Variants in TBCK observed in about 807,000 individuals in gnomAD.
TBCK encodes the protein TBC1 domain containing kinase.
In TBCK, 99 loss-of-function variants were observed where a neutral mutation model predicts 113.4. The observed-to-expected ratio is 0.87, with a 90% CI of 0.74 to 1.03. The LOEUF is 1.03. TBCK is among the 50% of genes least tolerant of loss of function. The pLI, the probability that TBCK is intolerant of heterozygous loss-of-function variation, is 0.00. For missense variants in TBCK, 1,045 were observed against 1,061.3 expected, an observed-to-expected ratio of 0.98 and a Z score of 0.21; for synonymous variants, 369 against 370.8, an observed-to-expected ratio of 1.00 and a Z score of 0.05.
chr4:106,170,796 T>C (rs1750897817), intron 23 of TBCK, among the ~76,000 whole-genome samples: 1 of 152,086 alleles, frequency 6.6e-6, no homozygotes, highest in Non-Finnish European at 1.5e-5. Context: ...TAATTCTTTC[T>C]TTGCTTCTGT....
intron 22 of TBCK, among the ~76,000 whole-genome samples, chr4:106,172,651 G>A (rs1228877641): frequency 6.6e-6 from 1 of 152,064 alleles, no homozygotes; most frequent in Non-Finnish European, 1.5e-5. Flanking sequence ...CTTGTAAGGG[G>A]AAAAGGAAAT....
In TBCK at chr4:106,212,899, AAT is replaced by A. The variant is rs1434779845; in HGVS notation, c.1775-66_1775-65del. 15 of 1,002,372 alleles carry A rather than the reference AAT, an allele frequency of 1.5e-5. No individual in the cohort carries two copies. The African/African-American group carries it at 2.4e-4, about 16-fold the overall frequency. 62.1% of individuals were successfully genotyped at this position (1,002,372 alleles called of 1,614,324 possible). A position where few individuals can be genotyped will look rare whatever the true frequency, so the allele number is the denominator to read the frequency against. ...CAGTACTCCAAGAACATTATATTCA[AAT>A]ATAGTTTTATTTATACATTGAATGA... On this transcript the variant is annotated intron_variant, in intron 19 of 25. Transcript: ENST00000394708.
intron 25 of TBCK, among the ~76,000 whole-genome samples, chr4:106,065,299 T>C (rs1736511881): frequency 6.6e-6 from 1 of 152,060 alleles, no homozygotes; most frequent in East Asian, 1.9e-4. Flanking sequence ...AGAGGTATCT[T>C]TCTGGGGCTC....
In TBCK at chr4:106,302,078, C is replaced by T. The variant is rs143749792; in HGVS notation, c.193+6690G>A. Among the ~76,000 whole-genome samples the T allele has an allele frequency of 4.5e-3, 680 of 152,274 alleles. 5 individuals are homozygous for T. In the Middle Eastern group the frequency reaches 0.061, roughly 14 times the overall value. On this transcript the variant is annotated intron_variant, in intron 2 of 25. Transcript: ENST00000394708. ...ACACACAACTTTTCAGAATGCTAAACATTGCCAATAAAAACAAGATAATCA... is the reference window on the plus strand; with the variant it reads ...ACACACAACTTTTCAGAATGCTAAATATTGCCAATAAAAACAAGATAATCA...
chr4:106,069,015 T>C (rs1181160027), intron 25 of TBCK, among the ~76,000 whole-genome samples: 5 of 152,214 alleles, frequency 3.3e-5, no homozygotes, highest in African/African-American at 9.6e-5. Context: ...TGTAAATTTG[T>C]TTAAGTTCTT....
chr4:106,244,547 T>A, intron 11 of TBCK, 79 bp downstream of exon 11: 1 of 1,204,764 alleles, frequency 8.3e-7, no homozygotes, highest in Non-Finnish European at 1.1e-6. Flanking sequence ...AAAACACCGA[T>A]TTTCTTTTTT....
intron 25 of TBCK, among the ~76,000 whole-genome samples, chr4:106,093,937 T>C (rs1214000882): frequency 1.3e-5 from 2 of 152,136 alleles, no homozygotes; most frequent in African/African-American, 2.4e-5. Context: ...TGAAGGTTCA[T>C]TAGTTGTAAC....
chr4:106,279,303 T>C (rs1173626654), intron 3 of TBCK, among the ~76,000 whole-genome samples: 1 of 152,128 alleles, frequency 6.6e-6, no homozygotes, highest in Non-Finnish European at 1.5e-5. Flanking sequence ...TTTTTTAAAA[T>C]TTTTTTAATT....
intron 23 of TBCK, among the ~76,000 whole-genome samples, chr4:106,144,643 TA>T (rs547127715): frequency 6.6e-6 from 1 of 152,170 alleles, no homozygotes; most frequent in Non-Finnish European, 1.5e-5. Context: ...CTGTTCTTTT[TA>T]AAAAAATGAT....
Position 106,095,603 on chromosome 4 carries a change from G to A in TBCK, c.2450C>T (p.Pro817Leu), listed in dbSNP as rs1327402263. 6.2e-7 allele frequency: 1 copy of A among 1,613,716 alleles called. No individual in the cohort carries two copies. The highest frequency in any genetic ancestry group is 1.3e-5 in the African/African-American group (1 of 74,904). The change falls in exon 25 of 26, where the codon CCA becomes CTA. Residue 817 changes from proline (P) to leucine (L), a missense_variant. Physicochemically the swap from Pro to Leu is moderately conservative, Grantham distance 98. Coordinates refer to ENST00000394708, the MANE Select transcript of TBCK (RefSeq NM_001163435.3). ...TTCTGCAGTGAAGGCAGCACTGAAT[G>A]GAATGTTGATGCTTCCTGAAATGTG... is the stretch of plus-strand genomic sequence containing the variant. ...RGHISGSINI[P>L]FSAAFTAEGE...
In TBCK at chr4:106,044,420, CAT is replaced by C. The variant is rs1734037619; in HGVS notation, c.*2148_*2149del. ...ATATATTTGTTCTCATTAATTCTCA[CAT>C]TTTTTTCCTTGTAAACTAGGTAAGG... is the stretch of plus-strand genomic sequence containing the variant. On this transcript the variant is annotated 3_prime_UTR_variant, in exon 26 of 26. Transcript: ENST00000394708. The C allele has an allele frequency of 1.3e-5, 2 of 152,186 alleles. No homozygotes were observed. Among genetic ancestry groups the C allele is most frequent in the South Asian group, 4.1e-4 (2 of 4,830 alleles). The allele number at this position is 152,186 out of a possible 1,614,324, so 9.4% of individuals were successfully genotyped here.
At chr4:106,110,305 G>C (rs139882793) in intron 24 of TBCK, among the ~76,000 whole-genome samples, 5 of 152,282 alleles carry the variant, frequency 3.3e-5, no homozygotes, top group Non-Finnish European at 7.3e-5. Flanking sequence ...AGACCCAGCA[G>C]GTGGTGCTCC....
intron 20 of TBCK, among the ~76,000 whole-genome samples, chr4:106,208,287 T>C (rs890395654): frequency 5.3e-5 from 8 of 152,294 alleles, no homozygotes; most frequent in African/African-American, 9.6e-5. Context: ...ACAGAATGTA[T>C]TGAGAACCTC....
chr4:106,064,205 T>A (rs1165824703), intron 25 of TBCK, among the ~76,000 whole-genome samples: 1 of 151,896 alleles, frequency 6.6e-6, no homozygotes, highest in Admixed American at 6.6e-5. Flanking sequence ...CAATGGCATG[T>A]CTTGCTTATT....
At chr4:106,192,089 A>C (rs1190390965) in intron 22 of TBCK, among the ~76,000 whole-genome samples, 1 of 152,152 alleles carries the variant, frequency 6.6e-6, no homozygotes, top group African/African-American at 2.4e-5. Flanking sequence ...AATTTTTCCT[A>C]TGGAATTAAG....
In TBCK at chr4:106,315,962, G is replaced by C. The variant is rs369944338; in HGVS notation, c.-61C>G. ...GTCTGGGGACGCAGGCAAGCACAAA[G>C]ACAAGGGGGATGGAGCTTCTACACA... is the stretch of plus-strand genomic sequence containing the variant. On this transcript the variant is annotated 5_prime_UTR_variant, in exon 1 of 26. Transcript: ENST00000394708. 7.9e-5 allele frequency: 12 copies of C among 152,594 alleles called. No homozygotes were observed. Among genetic ancestry groups the C allele is most frequent in the African/African-American group, 2.9e-4 (12 of 41,270 alleles). The allele number at this position is 152,594 out of a possible 1,614,324, so 9.5% of individuals were successfully genotyped here.
chr4:106,101,442 C>T (rs904571086), intron 24 of TBCK, among the ~76,000 whole-genome samples: 1 of 152,182 alleles, frequency 6.6e-6, no homozygotes, highest in Non-Finnish European at 1.5e-5. Context: ...ACCTTCTCAT[C>T]AGTATCTGTC....
At chr4:106,123,587 A>G (rs1261433526) in intron 23 of TBCK, among the ~76,000 whole-genome samples, 1 of 152,186 alleles carries the variant, frequency 6.6e-6, no homozygotes, top group Non-Finnish European at 1.5e-5. Flanking sequence ...CCAAAAGAAC[A>G]AAGCTGGAGG....
chr4:106,114,556 G>C (rs1329531892), intron 24 of TBCK, among the ~76,000 whole-genome samples: 1 of 152,168 alleles, frequency 6.6e-6, no homozygotes, highest in Admixed American at 6.5e-5. Flanking sequence ...ACAGCACCCT[G>C]CTCGGGGTCT....
Sources: allele counts gnomAD v4.1 joint callset (sites outside exome capture counted in the v4.1 genomes callset), GRCh38; gene constraint gnomAD v4.1.1; transcripts MANE v1.5; gene names NCBI Gene and HGNC (gene_info 2026-07-23, HGNC 2026-07-21).